Variants in ZSWIM6 observed in about 807,000 individuals in gnomAD.
ZSWIM6 encodes zinc finger SWIM domain-containing protein 6.
Under a neutral mutation model 113.2 loss-of-function variants are expected in ZSWIM6, and 9 were observed. The observed-to-expected ratio is 0.08, with a 90% CI of 0.05 to 0.14. The LOEUF (loss-of-function observed/expected upper bound fraction) is 0.14. Among genes scored for constraint, ZSWIM6 ranks in the 10% least tolerant of loss-of-function variants. The pLI is 1.00. For missense variants in ZSWIM6, 1,162 were observed against 1,552.2 expected (o/e 0.75, Z 4.22); for synonymous variants, 611 against 606.5 (o/e 1.01, Z -0.11).
At chr5:61,424,587 G>A (rs541660571) in intron 1 of ZSWIM6, among the ~76,000 whole-genome samples, 2 of 152,264 alleles carry the variant, frequency 1.3e-5, no homozygotes, top group South Asian at 4.2e-4. Context: ...TTCGAACCTC[G>A]AAGAGCAAGC....
At chr5:61,382,369 T>A (rs1318959201) in intron 1 of ZSWIM6, among the ~76,000 whole-genome samples, 1 of 152,228 alleles carries the variant, frequency 6.6e-6, no homozygotes, top group Admixed American at 6.5e-5. Context: ...TTTTTATTTA[T>A]GATGAGGGAC....
At chr5:61,347,928 A>G (rs1004863808) in intron 1 of ZSWIM6, among the ~76,000 whole-genome samples, 8 of 152,178 alleles carry the variant, frequency 5.3e-5, no homozygotes, top group African/African-American at 1.7e-4. Context: ...AATTAAAAAA[A>G]AGCAAGATTT....
chr5:61,415,168 G>A (rs1579984485), intron 1 of ZSWIM6, among the ~76,000 whole-genome samples: 2 of 152,326 alleles, frequency 1.3e-5, no homozygotes, highest in East Asian at 1.9e-4. Flanking sequence ...ATGTGGTGGA[G>A]TTCAAGTAGG....
intron 1 of ZSWIM6, among the ~76,000 whole-genome samples, chr5:61,342,535 T>G (rs774564005): frequency 1.8e-4 from 27 of 152,162 alleles, no homozygotes; most frequent in Non-Finnish European, 3.4e-4. Context: ...TGCAGCCTCT[T>G]TGGTTGGTGC....
At chr5:61,340,390 A>G (rs1245645437) in intron 1 of ZSWIM6, among the ~76,000 whole-genome samples, 1 of 152,214 alleles carries the variant, frequency 6.6e-6, no homozygotes, top group Non-Finnish European at 1.5e-5. Context: ...TGAACAGAAA[A>G]GGAGACAAAT....
At chr5:61,427,131 A>T (rs1027934963) in intron 1 of ZSWIM6, among the ~76,000 whole-genome samples, 2 of 152,174 alleles carry the variant, frequency 1.3e-5, no homozygotes. Context: ...CTTTACTACA[A>T]TGGCTGCAGA....
intron 1 of ZSWIM6, among the ~76,000 whole-genome samples, chr5:61,341,546 C>G (rs550951293): frequency 6.6e-6 from 1 of 151,832 alleles, no homozygotes; most frequent in Non-Finnish European, 1.5e-5. Flanking sequence ...AGTCATTTTC[C>G]GAGAACCTAT....
intron 5 of ZSWIM6, among the ~76,000 whole-genome samples, chr5:61,525,421 C>A (rs1749249191): frequency 6.6e-6 from 1 of 152,158 alleles, no homozygotes; most frequent in Non-Finnish European, 1.5e-5. Flanking sequence ...CTGTTGATCC[C>A]ATAAGGGCAG....
intron 9 of ZSWIM6, among the ~76,000 whole-genome samples, chr5:61,535,076 A>G (rs982922550): frequency 6.6e-6 from 1 of 152,166 alleles, no homozygotes; most frequent in African/African-American, 2.4e-5. Context: ...TCTTAGGTCC[A>G]GGGGTAGTTT....
At chr5:61,354,344 T>C (rs1410192986) in intron 1 of ZSWIM6, among the ~76,000 whole-genome samples, 1 of 152,256 alleles carries the variant, frequency 6.6e-6, no homozygotes, top group Admixed American at 6.5e-5. Flanking sequence ...ATCTGATTTA[T>C]AGAAGTACCA....
At chr5:61,401,081 A>C (rs888895621) in intron 1 of ZSWIM6, among the ~76,000 whole-genome samples, 1 of 151,942 alleles carries the variant, frequency 6.6e-6, no homozygotes, top group African/African-American at 2.4e-5. Context: ...GGTGTTAGCT[A>C]TTTTCCCCCC....
At chr5:61,449,212 C>T (rs1747033073) in intron 1 of ZSWIM6, among the ~76,000 whole-genome samples, 1 of 152,190 alleles carries the variant, frequency 6.6e-6, no homozygotes, top group Admixed American at 6.5e-5. Flanking sequence ...CATACTATTT[C>T]TCTGAAGCTG....
chr5:61,363,746 C>T (rs1745079758), intron 1 of ZSWIM6, among the ~76,000 whole-genome samples: 1 of 152,146 alleles, frequency 6.6e-6, no homozygotes, highest in African/African-American at 2.4e-5. Flanking sequence ...TAAAAAGGCA[C>T]ACAGTTTCTC....
intron 4 of ZSWIM6, among the ~76,000 whole-genome samples, chr5:61,514,941 T>C (rs1372380036): frequency 2.0e-5 from 3 of 152,190 alleles, no homozygotes; most frequent in African/African-American, 7.2e-5. Flanking sequence ...TGTGTAGAAT[T>C]GATACTATTT....
At chr5:61,483,289 C>T (rs1747926247) in intron 2 of ZSWIM6, among the ~76,000 whole-genome samples, 1 of 152,096 alleles carries the variant, frequency 6.6e-6, no homozygotes, top group Non-Finnish European at 1.5e-5. Context: ...TCCATTAATA[C>T]ATTAATCCAA....
At chr5:61,342,276 A>G (rs1207297375) in intron 1 of ZSWIM6, among the ~76,000 whole-genome samples, 1 of 152,232 alleles carries the variant, frequency 6.6e-6, no homozygotes. Flanking sequence ...ATTTACTAAT[A>G]GTAAGAGTAA....
chr5:61,435,977 G>A (rs1020098485), intron 1 of ZSWIM6, among the ~76,000 whole-genome samples: 7 of 152,100 alleles, frequency 4.6e-5, no homozygotes, highest in Non-Finnish European at 8.8e-5. Flanking sequence ...CAAGGCGAGC[G>A]GATCACCTGA....
intron 4 of ZSWIM6, among the ~76,000 whole-genome samples, chr5:61,512,397 C>T (rs1748813186): frequency 6.6e-6 from 1 of 152,088 alleles, no homozygotes; most frequent in African/African-American, 2.4e-5. Flanking sequence ...TCCTGTCTTT[C>T]ACATTTACAA....
At chr5:61,409,562 A>G (rs1202186396) in intron 1 of ZSWIM6, among the ~76,000 whole-genome samples, 5 of 152,196 alleles carry the variant, frequency 3.3e-5, no homozygotes, top group Non-Finnish European at 5.9e-5. Context: ...GTTTAGAGCT[A>G]TAGTTCCCCC....
Sources: allele counts gnomAD v4.1 joint callset (sites outside exome capture counted in the v4.1 genomes callset), GRCh38; gene constraint gnomAD v4.1.1; transcripts MANE v1.5; gene names NCBI Gene and HGNC (gene_info 2026-07-23, HGNC 2026-07-21).